Variants in CSMD1 observed in about 807,000 individuals in gnomAD.
CSMD1 encodes CUB and Sushi multiple domains 1.
In CSMD1, 213 loss-of-function variants were observed where a neutral mutation model predicts 417.5. That is an observed-to-expected ratio of 0.51 (90% CI 0.46 to 0.57). CSMD1 has a LOEUF of 0.57. Ranked by LOEUF, CSMD1 falls within the 20% of genes least tolerant of loss-of-function variation. CSMD1 has a pLI of 0.00. For synonymous variants in CSMD1, 2,862 were observed against 1,736.8 expected, an observed-to-expected ratio of 1.65 and a Z score of -16.11; for missense variants, 6,923 against 4,529.7, an observed-to-expected ratio of 1.53 and a Z score of -15.17.
intron 5 of CSMD1, among the ~76,000 whole-genome samples, chr8:3,992,905 T>C (rs1455109866): frequency 2.6e-5 from 4 of 152,238 alleles, no homozygotes; most frequent in African/African-American, 9.6e-5. Flanking sequence ...CCAAAGCCAT[T>C]TTTCTCACAA....
chr8:4,339,354 G>C (rs879683969), intron 3 of CSMD1, among the ~76,000 whole-genome samples: 4 of 152,048 alleles, frequency 2.6e-5, no homozygotes, highest in Non-Finnish European at 4.4e-5. Flanking sequence ...TCATCAGCTG[G>C]TCAAATAATG....
At chr8:4,504,063 G>C (rs942717374) in intron 2 of CSMD1, among the ~76,000 whole-genome samples, 1 of 151,972 alleles carries the variant, frequency 6.6e-6, no homozygotes, top group South Asian at 2.1e-4. Context: ...AAACAGTGGA[G>C]GTACAGAAAA....
rs78132951 is a variant in CSMD1 at position 3,440,176 on chromosome 8, C to T, written c.1561+28536G>A. Among the ~76,000 whole-genome samples the T allele has an allele frequency of 8.5e-3, 1,296 of 152,260 alleles. 4 individuals are homozygous for T. The highest frequency in any genetic ancestry group is 0.015 in the Non-Finnish European group (989 of 68,034). On this transcript the variant is annotated intron_variant, in intron 12 of 69. Transcript: ENST00000635120. ...ATACACATTTTAGAATAATCTTGTT[C>T]ATATCTACAAAACATATTTGCTGAG...
At chr8:4,041,820 C>A (rs1054629003) in intron 3 of CSMD1, among the ~76,000 whole-genome samples, 3 of 151,778 alleles carry the variant, frequency 2.0e-5, no homozygotes, top group African/African-American at 4.8e-5. Flanking sequence ...CACAAAAAAA[C>A]AAAACAAACC....
At chr8:3,720,255 T>C (rs936900425) in intron 6 of CSMD1, among the ~76,000 whole-genome samples, 3 of 152,030 alleles carry the variant, frequency 2.0e-5, no homozygotes, top group East Asian at 1.9e-4. Flanking sequence ...AATGGAGAAA[T>C]TGGCACATCT....
At chr8:4,644,532 G>C (rs1325971624) in intron 1 of CSMD1, among the ~76,000 whole-genome samples, 1 of 152,110 alleles carries the variant, frequency 6.6e-6, no homozygotes, top group African/African-American at 2.4e-5. Context: ...TCAACCTCCA[G>C]AGTAGCTGGG....
At chr8:3,534,401 C>T (rs1253922919) in intron 10 of CSMD1, among the ~76,000 whole-genome samples, 9 of 151,930 alleles carry the variant, frequency 5.9e-5, no homozygotes, top group South Asian at 4.2e-4. Context: ...CAGTTTAATG[C>T]CTCTTGATCT....
intron 3 of CSMD1, among the ~76,000 whole-genome samples, chr8:4,042,045 A>C (rs969285088): frequency 6.6e-6 from 1 of 152,218 alleles, no homozygotes; most frequent in African/African-American, 2.4e-5. Context: ...GGACATCTCC[A>C]AGCAGACACA....
At chr8:3,868,504 A>G (rs1478256552) in intron 5 of CSMD1, among the ~76,000 whole-genome samples, 1 of 151,936 alleles carries the variant, frequency 6.6e-6, no homozygotes, top group Non-Finnish European at 1.5e-5. Flanking sequence ...CACAAAGAAC[A>G]CTTACCAACA....
chr8:3,719,114 G>T (rs950004825), intron 6 of CSMD1, among the ~76,000 whole-genome samples: 1 of 152,150 alleles, frequency 6.6e-6, no homozygotes, highest in Non-Finnish European at 1.5e-5. Flanking sequence ...TTCCAAGAAA[G>T]ATTTTGTGTC....
At chr8:2,973,346 G>A in intron 56 of CSMD1, 47 bp from the exon 57 acceptor site, 2 of 1,567,420 alleles carry the variant, frequency 1.3e-6, no homozygotes, top group Non-Finnish European at 1.7e-6. Flanking sequence ...TGTTAGACTT[G>A]TTTTAAGCAG....
intron 7 of CSMD1, among the ~76,000 whole-genome samples, chr8:3,649,648 AC>A (rs1365662837): frequency 2.0e-5 from 3 of 152,048 alleles, no homozygotes; most frequent in African/African-American, 7.2e-5. Context: ...CGGAGAAACC[AC>A]CCCCATGATT....
chr8:3,264,334 T>C (rs985132306), intron 26 of CSMD1, among the ~76,000 whole-genome samples: 3 of 152,198 alleles, frequency 2.0e-5, no homozygotes, highest in Non-Finnish European at 2.9e-5. Context: ...TCTGGTATTA[T>C]AACATTAGTG....
chr8:3,300,464 T>C (rs1804306291), intron 25 of CSMD1, among the ~76,000 whole-genome samples: 1 of 152,104 alleles, frequency 6.6e-6, no homozygotes, highest in Admixed American at 6.6e-5. Flanking sequence ...GACAAAATAG[T>C]TTTTGTTTTT....
intron 5 of CSMD1, among the ~76,000 whole-genome samples, chr8:3,818,070 G>A (rs1801496612): frequency 6.6e-6 from 1 of 152,104 alleles, no homozygotes; most frequent in Non-Finnish European, 1.5e-5. Context: ...AGCAGGCATG[G>A]AGGTCCGGGC....
intron 5 of CSMD1, among the ~76,000 whole-genome samples, chr8:3,976,801 A>G (rs945901306): frequency 6.6e-6 from 1 of 152,192 alleles, no homozygotes; most frequent in African/African-American, 2.4e-5. Flanking sequence ...TCAAGGTCGC[A>G]TGCCTGTAGA....
chr8:4,324,955 G>C (rs1054623259), intron 3 of CSMD1, among the ~76,000 whole-genome samples: 4 of 152,110 alleles, frequency 2.6e-5, no homozygotes, highest in Non-Finnish European at 5.9e-5. Context: ...ATTGTATTTG[G>C]AAAGGATATC....
In CSMD1 at chr8:3,110,336, C is replaced by A; in HGVS notation, c.6431-1G>T. 6.3e-7 allele frequency: 1 copy of A among 1,594,046 alleles called. No individual in the cohort carries two copies. Among genetic ancestry groups the A allele is most frequent in the Non-Finnish European group, 8.5e-7 (1 of 1,170,684 alleles). On this transcript the variant is annotated splice_acceptor_variant, in intron 42 of 69. Transcript: ENST00000635120. LOFTEE classifies it high-confidence loss of function. ...GAAGTTACGTTGTACCCACAAGGGG[C>A]TGCAAAGGAAACCAAGAAAAAACAA...
chr8:4,541,808 A>ATAC (rs1797401738), intron 2 of CSMD1, among the ~76,000 whole-genome samples: 1 of 152,128 alleles, frequency 6.6e-6, no homozygotes, highest in African/African-American at 2.4e-5. Context: ...AATAATAATA[A>ATAC]TAAGTGGAAT....
Sources: allele counts gnomAD v4.1 joint callset (sites outside exome capture counted in the v4.1 genomes callset), GRCh38; gene constraint gnomAD v4.1.1; transcripts MANE v1.5; gene names NCBI Gene and HGNC (gene_info 2026-07-23, HGNC 2026-07-21).